Variants in DENND1A observed in about 807,000 individuals in gnomAD.
DENND1A encodes the protein DENN domain-containing protein 1A.
Under a neutral mutation model 113.7 loss-of-function variants are expected in DENND1A, and 51 were observed. The ratio of observed to expected loss-of-function variants is 0.45; its 90% CI spans 0.36 to 0.57. The LOEUF is 0.57. Ranked by LOEUF, DENND1A falls within the 20% of genes least tolerant of loss-of-function variation. The pLI, the probability that DENND1A is intolerant of heterozygous loss-of-function variation, is 0.00. For synonymous variants in DENND1A, 565 were observed against 570.8 expected, an observed-to-expected ratio of 0.99 and a Z score of 0.14; for missense variants, 1,258 against 1,395.9, an observed-to-expected ratio of 0.90 and a Z score of 1.57.
At chr9:123,897,672 A>G (rs1487028339) in intron 1 of DENND1A, among the ~76,000 whole-genome samples, 7 of 152,164 alleles carry the variant, frequency 4.6e-5, no homozygotes, top group Non-Finnish European at 1.0e-4. Context: ...GCCTACCAGC[A>G]ATGCATAAAG....
At chr9:123,490,271 T>G (rs756435590) in intron 13 of DENND1A, among the ~76,000 whole-genome samples, 1 of 152,116 alleles carries the variant, frequency 6.6e-6, no homozygotes, top group Non-Finnish European at 1.5e-5. Context: ...TGTACTCAAG[T>G]GTGGTGGAGT....
chr9:123,869,244 T>C (rs685574), intron 2 of DENND1A, among the ~76,000 whole-genome samples: 13,274 of 152,262 alleles, frequency 0.087, 982 homozygotes, highest in African/African-American at 0.2. Flanking sequence ...GAGGGCCTAA[T>C]GTATGCCAGG....
At chr9:123,616,576 A>T (rs1195980570) in intron 10 of DENND1A, among the ~76,000 whole-genome samples, 1 of 152,232 alleles carries the variant, frequency 6.6e-6, no homozygotes, top group Non-Finnish European at 1.5e-5. Context: ...TAAGGGGAAA[A>T]AAAAAGGAAG....
chr9:123,806,628 A>G (rs2132344291), intron 2 of DENND1A, among the ~76,000 whole-genome samples: 2 of 152,288 alleles, frequency 1.3e-5, no homozygotes, highest in South Asian at 4.1e-4. Flanking sequence ...AGCACTCAGG[A>G]AGTTTTGGAT....
intron 13 of DENND1A, among the ~76,000 whole-genome samples, chr9:123,542,629 G>C (rs1262440321): frequency 6.6e-6 from 1 of 152,140 alleles, no homozygotes; most frequent in Non-Finnish European, 1.5e-5. Context: ...GCCCATGCAA[G>C]GCACCAGCGA....
chr9:123,800,236 T>C (rs1038045621), intron 2 of DENND1A, among the ~76,000 whole-genome samples: 3 of 152,224 alleles, frequency 2.0e-5, no homozygotes, highest in Admixed American at 6.5e-5. Flanking sequence ...TCTGTATAAA[T>C]TGAAGGACCC....
intron 4 of DENND1A, among the ~76,000 whole-genome samples, chr9:123,765,982 G>A (rs1279335099): frequency 6.6e-6 from 1 of 152,080 alleles, no homozygotes; most frequent in East Asian, 1.9e-4. Context: ...TATAAAATGG[G>A]GAGTTTGAAC....
chr9:123,455,792 C>A (rs1333816125), intron 15 of DENND1A, among the ~76,000 whole-genome samples: 1 of 152,180 alleles, frequency 6.6e-6, no homozygotes, highest in East Asian at 1.9e-4. Flanking sequence ...TTTAACAACA[C>A]CTAAAGCCTT....
At position 123,729,815 on chromosome 9, in the gene DENND1A, A is replaced by G. The variant is rs147441682; in HGVS notation, c.302+27888T>C. ...TGCATAGCCAAGACAATCCTAAGCA[A>G]AAAGAACAAAGCTGGAGGGATCGCA... is the stretch of plus-strand genomic sequence containing the variant. On this transcript the variant is annotated intron_variant, in intron 5 of 23. Coordinates refer to ENST00000394215, the MANE Select transcript of DENND1A (RefSeq NM_001352964.2). Among the ~76,000 whole-genome samples, 334 of 152,336 alleles carry G rather than the reference A, an allele frequency of 2.2e-3. 7 individuals carry two copies. In the East Asian group the frequency reaches 0.037, roughly 17 times the overall value.
At chr9:123,753,338 G>A (rs1380864892) in intron 5 of DENND1A, among the ~76,000 whole-genome samples, 1 of 152,132 alleles carries the variant, frequency 6.6e-6, no homozygotes, top group East Asian at 1.9e-4. Flanking sequence ...AAAATAAAAA[G>A]GAACCTAATA....
chr9:123,813,460 G>T (rs2132484396), intron 2 of DENND1A, among the ~76,000 whole-genome samples: 1 of 151,376 alleles, frequency 6.6e-6, no homozygotes, highest in East Asian at 1.9e-4. Context: ...GAATTGCCTG[G>T]TGATAACCTT....
chr9:123,587,112 T>C (rs905472285), intron 11 of DENND1A, among the ~76,000 whole-genome samples: 4 of 151,802 alleles, frequency 2.6e-5, no homozygotes, highest in African/African-American at 9.7e-5. Flanking sequence ...GCACTGGATA[T>C]ACCAGCATTT....
chr9:123,467,159 C>T (rs978755771), intron 13 of DENND1A, among the ~76,000 whole-genome samples: 10 of 152,188 alleles, frequency 6.6e-5, no homozygotes, highest in Non-Finnish European at 8.8e-5. Context: ...AAAGTGTGGC[C>T]TCTTGGGGCT....
At chr9:123,866,597 C>T (rs1308814495) in intron 2 of DENND1A, among the ~76,000 whole-genome samples, 2 of 152,050 alleles carry the variant, frequency 1.3e-5, no homozygotes, top group Admixed American at 6.5e-5. Flanking sequence ...GCACAATTTC[C>T]GGAAGTTGTG....
chr9:123,394,329 C>T (rs186017710), intron 21 of DENND1A, among the ~76,000 whole-genome samples: 7 of 152,170 alleles, frequency 4.6e-5, no homozygotes, highest in East Asian at 3.9e-4. Flanking sequence ...GAGGCATCTC[C>T]GAGAGGGGCA....
At chr9:123,842,933 G>C (rs1477958513) in intron 2 of DENND1A, 3 of 271,168 alleles carry the variant, frequency 1.1e-5, no homozygotes, top group African/African-American at 6.8e-5. Flanking sequence ...AAGGTTGGGT[G>C]CCTGCATTAG....
intron 19 of DENND1A, among the ~76,000 whole-genome samples, chr9:123,436,399 G>A (rs1184696939): frequency 1.3e-5 from 2 of 152,258 alleles, no homozygotes; most frequent in Non-Finnish European, 2.9e-5. Context: ...CTCAGGTGAA[G>A]TGTTTGCAAC....
At chr9:123,861,014 G>C (rs980151815) in intron 2 of DENND1A, among the ~76,000 whole-genome samples, 13 of 152,164 alleles carry the variant, frequency 8.5e-5, no homozygotes, top group Non-Finnish European at 4.4e-5. Flanking sequence ...CTACGGAAGG[G>C]GAGTTTCATC....
intron 4 of DENND1A, among the ~76,000 whole-genome samples, chr9:123,765,785 G>A (rs1828700434): frequency 6.6e-6 from 1 of 152,082 alleles, no homozygotes; most frequent in African/African-American, 2.4e-5. Context: ...ATGAGTTTTT[G>A]AGATTGATAC....
Sources: gnomAD v4.1 joint callset for allele counts (sites outside exome capture counted in the v4.1 genomes callset) on GRCh38, gnomAD v4.1.1 for gene constraint, MANE v1.5 for transcripts, NCBI Gene and HGNC (gene_info 2026-07-23, HGNC 2026-07-21) for gene names.